Variants in ZSCAN5A observed in about 807,000 individuals in gnomAD.
ZSCAN5A encodes the protein zinc finger and SCAN domain-containing protein 5A.
Under a neutral mutation model 23.7 loss-of-function variants are expected in ZSCAN5A, and 12 were observed. The observed-to-expected ratio is 0.51, with a 90% CI of 0.32 to 0.82. ZSCAN5A has a LOEUF of 0.82. Among genes scored for constraint, ZSCAN5A ranks in the 40% least tolerant of loss-of-function variants. The pLI is 0.03. For synonymous variants in ZSCAN5A, 257 were observed against 239.9 expected (o/e 1.07, Z -0.66); for missense variants, 597 against 617.9 (o/e 0.97, Z 0.36).
chr19:56,342,591 T>G (rs2041601591), intron 2 of ZSCAN5A: 2 of 398,920 alleles, frequency 5.0e-6, no homozygotes, highest in Admixed American at 3.1e-5. Flanking sequence ...AAGCAGAAGC[T>G]GACTCTGAAC....
chr19:56,299,797 G>C (rs984760865), intron 2 of ZSCAN5A: 2 of 152,132 alleles, frequency 1.3e-5, no homozygotes, highest in African/African-American at 2.4e-5. Flanking sequence ...ATTTTAAAAA[G>C]TATTTTTGAC....
intron 2 of ZSCAN5A, among the ~76,000 whole-genome samples, chr19:56,281,880 C>T (rs1388938006): frequency 2.0e-5 from 3 of 152,160 alleles, no homozygotes; most frequent in South Asian, 2.1e-4. Context: ...GGGGTGGGAA[C>T]GGTGCAACTG....
At chr19:56,246,982 A>G in intron 2 of ZSCAN5A, 2 of 1,388,936 alleles carry the variant, frequency 1.4e-6, no homozygotes, top group Non-Finnish European at 2.0e-6. Context: ...ACCTGAGATA[A>G]ATTCAGTTTA....
chr19:56,353,378 T>G (rs983398681), intron 2 of ZSCAN5A, among the ~76,000 whole-genome samples: 1 of 152,218 alleles, frequency 6.6e-6, no homozygotes, highest in African/African-American at 2.4e-5. Flanking sequence ...GACTATTTGG[T>G]GCCATTGTTT....
intron 2 of ZSCAN5A, among the ~76,000 whole-genome samples, chr19:56,229,227 G>A (rs996455530): frequency 9.2e-5 from 14 of 152,122 alleles, no homozygotes; most frequent in Non-Finnish European, 2.9e-5. Context: ...AAACCTTCTC[G>A]TCTAACCTTT....
chr19:56,362,843 C>A (rs925357265), intron 2 of ZSCAN5A, among the ~76,000 whole-genome samples: 1 of 150,692 alleles, frequency 6.6e-6, no homozygotes, highest in Non-Finnish European at 1.5e-5. Context: ...TGCACTCCAG[C>A]CTGGGCGACA....
intron 2 of ZSCAN5A, among the ~76,000 whole-genome samples, chr19:56,249,011 C>T (rs1219392773): frequency 1.3e-5 from 2 of 151,324 alleles, no homozygotes; most frequent in South Asian, 2.1e-4. Flanking sequence ...ATTTTCACTG[C>T]CCCCCCCGAA....
chr19:56,356,928 T>C (rs1430528669), intron 2 of ZSCAN5A, among the ~76,000 whole-genome samples: 1 of 148,852 alleles, frequency 6.7e-6, no homozygotes, highest in African/African-American at 2.5e-5. Flanking sequence ...GTCATGTAGG[T>C]TGTAGGCAAT....
rs555260818 is a variant in ZSCAN5A at position 56,233,001 on chromosome 19, A to T, written c.-127-7828T>A. 4.6e-5 allele frequency among the ~76,000 whole-genome samples: 7 copies of T among 152,264 alleles called. No individual in the cohort carries two copies. In the South Asian group the frequency reaches 6.2e-4, roughly 14 times the overall value. Reference sequence around the variant, plus strand: ...CTGACTATATGGGCTTATTTCCAAGACTTTATTCCAAAAAAAATGTTAAAC... The same window carrying T: ...CTGACTATATGGGCTTATTTCCAAGTCTTTATTCCAAAAAAAATGTTAAAC... On this transcript the variant is annotated intron_variant, in intron 2 of 5. Coordinates refer to ENST00000683990, the MANE Select transcript of ZSCAN5A (RefSeq NM_001322064.3).
chr19:56,335,719 C>G (rs1478433868), intron 2 of ZSCAN5A, among the ~76,000 whole-genome samples: 1 of 152,258 alleles, frequency 6.6e-6, no homozygotes, highest in East Asian at 1.9e-4. Flanking sequence ...GCAGTGGCTG[C>G]TACCAGTTGT....
chr19:56,339,323 T>C (rs8100966), intron 2 of ZSCAN5A, among the ~76,000 whole-genome samples: 23,833 of 118,692 alleles, frequency 0.2, 3,010 homozygotes, highest in African/African-American at 0.41. Flanking sequence ...TAGCAATATG[T>C]GAAGGAGCGG....
At chr19:56,258,423 ACGCCTTC>A (rs1454690599) in intron 2 of ZSCAN5A, among the ~76,000 whole-genome samples, 125 of 137,410 alleles carry the variant, frequency 9.1e-4, no homozygotes, top group African/African-American at 3.7e-3. Flanking sequence ...GGTGACGGAC[ACGCCTTC>A]CAGTGTGGGT....
At chr19:56,243,979 T>C (rs2035638224) in intron 2 of ZSCAN5A, 1 of 644,818 alleles carries the variant, frequency 1.6e-6, no homozygotes, top group Non-Finnish European at 2.8e-6. Context: ...TAGATAGGTC[T>C]CAATTAGACA....
chr19:56,326,033 C>T (rs945598685), intron 2 of ZSCAN5A, among the ~76,000 whole-genome samples: 17 of 151,720 alleles, frequency 1.1e-4, no homozygotes, highest in East Asian at 2.0e-4. Flanking sequence ...CCCGGGTTCA[C>T]GCCATTCTCC....
intron 2 of ZSCAN5A, chr19:56,281,653 A>G: frequency 1.0e-6 from 1 of 982,144 alleles, no homozygotes. Context: ...TGAATTTTCC[A>G]TGTTGATTCA....
intron 2 of ZSCAN5A, among the ~76,000 whole-genome samples, chr19:56,339,275 TATTTAGCA>T (rs2041570282): frequency 6.8e-6 from 1 of 147,016 alleles, no homozygotes; most frequent in Non-Finnish European, 1.5e-5. Context: ...GCTGTAGCCA[TATTTAGCA>T]ATATGCGAAG....
chr19:56,329,852 C>T (rs1279418866), intron 2 of ZSCAN5A, among the ~76,000 whole-genome samples: 1 of 152,034 alleles, frequency 6.6e-6, no homozygotes, highest in Non-Finnish European at 1.5e-5. Flanking sequence ...CTAATTTCCA[C>T]TTTAGGTTCA....
rs1027751672 is a variant in ZSCAN5A at position 56,221,688 on chromosome 19, G to A, written c.1378C>T (p.Arg460Cys). The change falls in exon 6 of 6, where the codon CGC (arginine) becomes TGC (cysteine). Residue 460 changes from arginine to cysteine, a missense_variant. Transcript: ENST00000683990. ...TYRGSLKEHQRIHSGEKPYKC... is the reference protein window; with the variant it reads ...TYRGSLKEHQCIHSGEKPYKC... ...TAGGGTTTCTCTCCGGAGTGGATGC[G>A]CTGGTGCTCCTTCAGGCTCCCCCTG... 1.1e-5 allele frequency: 17 copies of A among 1,614,100 alleles called. No homozygotes were observed. Among genetic ancestry groups the A allele is most frequent in the South Asian group, 2.2e-5 (2 of 91,094 alleles).
intron 2 of ZSCAN5A, among the ~76,000 whole-genome samples, chr19:56,232,736 T>C (rs1026007545): frequency 1.3e-5 from 2 of 152,112 alleles, no homozygotes; most frequent in Non-Finnish European, 1.5e-5. Flanking sequence ...TGAAGCACAG[T>C]TGCACAATCA....
Sources: allele counts gnomAD v4.1 joint callset (sites outside exome capture counted in the v4.1 genomes callset), GRCh38; gene constraint gnomAD v4.1.1; transcripts MANE v1.5; gene names NCBI Gene and HGNC (gene_info 2026-07-23, HGNC 2026-07-21).